MKLN1: variants seen among roughly 807,000 people sequenced by gnomAD.
MKLN1 encodes the protein muskelin.
A neutral mutation model predicts 99.0 loss-of-function variants in MKLN1; 18 were observed. That is an observed-to-expected ratio of 0.18 (90% CI 0.13 to 0.27). The LOEUF is 0.27. Ranked by LOEUF, MKLN1 falls within the 10% of genes least tolerant of loss-of-function variation. The pLI is 1.00. For synonymous variants in MKLN1, 288 were observed against 293.2 expected (o/e 0.98, Z 0.18); for missense variants, 621 against 875.9 (o/e 0.71, Z 3.67).
chr7:131,416,623 C>A (rs1457615089), intron 8 of MKLN1, among the ~76,000 whole-genome samples: 1 of 150,410 alleles, frequency 6.6e-6, no homozygotes, highest in Non-Finnish European at 1.5e-5. Context: ...TTGTTTTATG[C>A]ATTAGGGGTA....
chr7:131,155,860 G>A (rs1302652067), intron 2 of MKLN1, among the ~76,000 whole-genome samples: 1 of 152,184 alleles, frequency 6.6e-6, no homozygotes, highest in Non-Finnish European at 1.5e-5. Flanking sequence ...CTCAGAGTTA[G>A]CAAAAGTTGA....
chr7:131,413,802 G>A (rs1794944250), intron 7 of MKLN1, among the ~76,000 whole-genome samples: 1 of 152,136 alleles, frequency 6.6e-6, no homozygotes, highest in Non-Finnish European at 1.5e-5. Context: ...GCCTCCCAGA[G>A]TGCTGGGATT....
chr7:131,164,660 T>A (rs997395439), intron 2 of MKLN1, among the ~76,000 whole-genome samples: 35 of 152,342 alleles, frequency 2.3e-4, no homozygotes, highest in Non-Finnish European at 4.7e-4. Context: ...GAAAATACAT[T>A]CCAGCATTTG....
chr7:131,263,372 A>G (rs915105853), intron 3 of MKLN1, among the ~76,000 whole-genome samples: 2 of 149,946 alleles, frequency 1.3e-5, no homozygotes, highest in African/African-American at 2.4e-5. Context: ...TAATAATAAT[A>G]AAATTAGCTG....
At chr7:131,466,467 C>T (rs980895227) in intron 15 of MKLN1, 52 bp downstream of exon 15, 1 of 1,353,916 alleles carries the variant, frequency 7.4e-7, no homozygotes, top group African/African-American at 1.5e-5. Context: ...AGCTATATTT[C>T]TCTTGGCAAA....
chr7:131,190,677 G>T (rs1390458825), intron 2 of MKLN1, among the ~76,000 whole-genome samples: 1 of 152,108 alleles, frequency 6.6e-6, no homozygotes, highest in African/African-American at 2.4e-5. Flanking sequence ...TATGGTTCAG[G>T]CTAGTGGGAG....
chr7:131,428,444 G>T (rs1353429412), intron 8 of MKLN1, among the ~76,000 whole-genome samples: 3 of 152,182 alleles, frequency 2.0e-5, no homozygotes, highest in East Asian at 3.9e-4. Flanking sequence ...TTTTTCTTAA[G>T]ATATCTAATT....
At chr7:131,180,621 C>T (rs1447708934) in intron 2 of MKLN1, among the ~76,000 whole-genome samples, 2 of 151,480 alleles carry the variant, frequency 1.3e-5, no homozygotes, top group East Asian at 3.9e-4. Context: ...ATCACTTGAA[C>T]CTGAGAGGTG....
chr7:131,421,790 T>G (rs1490733570), intron 8 of MKLN1, among the ~76,000 whole-genome samples: 4 of 152,200 alleles, frequency 2.6e-5, no homozygotes, highest in Non-Finnish European at 5.9e-5. Flanking sequence ...TGAAAAAGTT[T>G]AAAACAACTT....
At chr7:131,186,897 G>A (rs987747606) in intron 2 of MKLN1, among the ~76,000 whole-genome samples, 26 of 152,218 alleles carry the variant, frequency 1.7e-4, no homozygotes, top group African/African-American at 6.3e-4. Flanking sequence ...AGTCTTCCAA[G>A]AGGCAGTATC....
rs1795944787 is a variant in MKLN1, at chr7:131,444,723, GT to G, written c.1395+1022del. 8.6e-4 allele frequency among the ~76,000 whole-genome samples: 18 copies of G among 20,860 alleles called. No individual in the cohort carries two copies. In the South Asian group the frequency reaches 0.011, roughly 13 times the overall value. The allele number at this position is 20,860 out of a possible 152,430, so 13.7% of individuals were successfully genotyped here. A position where few individuals can be genotyped will look rare whatever the true frequency, so the allele number is the denominator to read the frequency against. On this transcript the variant is annotated intron_variant, in intron 11 of 17. Transcript: ENST00000352689. ...TACCACCACACCTGGGTTTTGAGTA[GT>G]AGTAGTAGTAGTAGTAGTAGTAGTA...
At chr7:131,451,923 C>T (rs917005787) in intron 12 of MKLN1, among the ~76,000 whole-genome samples, 1 of 152,164 alleles carries the variant, frequency 6.6e-6, no homozygotes, top group African/African-American at 2.4e-5. Flanking sequence ...TTCTCCTGTT[C>T]GTATTCATTC....
At chr7:131,160,432 C>T (rs199679614) in intron 2 of MKLN1, among the ~76,000 whole-genome samples, 2 of 150,836 alleles carry the variant, frequency 1.3e-5, no homozygotes, top group East Asian at 3.9e-4. Flanking sequence ...GGGTACATAC[C>T]TAGGAGAATT....
intron 2 of MKLN1, among the ~76,000 whole-genome samples, chr7:131,171,189 T>C (rs897715330): frequency 1.3e-5 from 2 of 152,130 alleles, no homozygotes; most frequent in African/African-American, 4.8e-5. Flanking sequence ...GGGAGGTTTC[T>C]GGGGAGAGAG....
chr7:131,388,803 C>A, intron 3 of MKLN1, 81 bp from the exon 4 acceptor site: 1 of 858,552 alleles, frequency 1.2e-6, no homozygotes. Context: ...AAACTTAAAA[C>A]CTGAGTGTGC....
intron 2 of MKLN1, among the ~76,000 whole-genome samples, chr7:131,156,604 T>C (rs1209776802): frequency 6.6e-6 from 1 of 152,184 alleles, no homozygotes; most frequent in Non-Finnish European, 1.5e-5. Context: ...CATTTTATAA[T>C]AAAGTGTTGA....
chr7:131,352,793 G>A (rs898414317), intron 1 of MKLN1, among the ~76,000 whole-genome samples: 8 of 152,074 alleles, frequency 5.3e-5, no homozygotes, highest in Non-Finnish European at 1.2e-4. Context: ...TTGATACACA[G>A]GTTCATTTGT....
intron 1 of MKLN1, among the ~76,000 whole-genome samples, chr7:131,339,861 C>T (rs1231325349): frequency 2.0e-5 from 3 of 151,188 alleles, no homozygotes; most frequent in Admixed American, 6.6e-5. Flanking sequence ...TTGGTGTAAA[C>T]TTTGGTTTTG....
upstream of MKLN1, among the ~76,000 whole-genome samples, chr7:131,326,289 CAT>C (rs1271676302): frequency 2.6e-5 from 4 of 152,180 alleles, no homozygotes; most frequent in African/African-American, 9.7e-5. Context: ...TTAAGGAACA[CAT>C]GCTTTTCCAA....
Sources: gnomAD v4.1 joint callset for allele counts (sites outside exome capture counted in the v4.1 genomes callset) on GRCh38, gnomAD v4.1.1 for gene constraint, MANE v1.5 for transcripts, NCBI Gene and HGNC (gene_info 2026-07-23, HGNC 2026-07-21) for gene names.